Variants in JADE3 observed in about 807,000 individuals in gnomAD.
JADE3 encodes protein Jade-3.
In JADE3, 2 loss-of-function variants were observed where a neutral mutation model predicts 50.1. That is an observed-to-expected ratio of 0.04 (90% CI 0.02 to 0.13). JADE3 has a LOEUF of 0.13. Among genes scored for constraint, JADE3 ranks in the 10% least tolerant of loss-of-function variants. The probability of loss-of-function intolerance (pLI) is 1.00; values close to 1 mark genes in which losing one functional copy is unlikely to be tolerated. For missense variants in JADE3, 475 were observed against 634.4 expected, an observed-to-expected ratio of 0.75 and a Z score of 2.70; for synonymous variants, 218 against 232.9, an observed-to-expected ratio of 0.94 and a Z score of 0.58.
At chrX:47,038,654 T>TAA (rs567645944) in intron 7 of JADE3, among the ~76,000 whole-genome samples, 3,209 of 72,969 alleles carry the variant, frequency 0.044, 144 homozygotes, top group East Asian at 0.18. Flanking sequence ...ACCTTGTCTC[T>TAA]AAAAAAAAAA....
Position 46,915,305 on chromosome X carries a change from T to C in JADE3, c.-12+2586T>C, listed in dbSNP as rs1490884177. ...ACCTCCTTGTGGAGCTTACACAAAA[T>C]AGGAGCTGAGAAGACAGAGGTAATA... On this transcript the variant is annotated intron_variant, in intron 1 of 10. Transcript: ENST00000614628. Among the ~76,000 whole-genome samples, 39 of 111,962 alleles carry C rather than the reference T, an allele frequency of 3.5e-4. No homozygotes were observed. The Admixed American group carries it at 3.6e-3, about 10-fold the overall frequency.
At chrX:47,050,295 G>C (rs1460609815) in intron 8 of JADE3, among the ~76,000 whole-genome samples, 2 of 111,732 alleles carry the variant, frequency 1.8e-5, no homozygotes, top group African/African-American at 6.5e-5. Context: ...TATTTGTGGG[G>C]TATAATTTGA....
chrX:47,028,283 GCTGA>G (rs1928947010), intron 6 of JADE3, among the ~76,000 whole-genome samples, 180 bp downstream of exon 6: 1 of 110,712 alleles, frequency 9.0e-6, no homozygotes, highest in Non-Finnish European at 1.9e-5. Flanking sequence ...AAGATGACTT[GCTGA>G]CTAACTTTAC....
chrX:46,932,843 A>G (rs1926526048), intron 1 of JADE3, among the ~76,000 whole-genome samples: 1 of 111,807 alleles, frequency 8.9e-6, no homozygotes, highest in Middle Eastern at 4.2e-3. Context: ...CTATCATGTT[A>G]TTGTTCTGTC....
At chrX:46,988,214 G>A (rs1217786228) in intron 3 of JADE3, among the ~76,000 whole-genome samples, 4 of 111,540 alleles carry the variant, frequency 3.6e-5, no homozygotes, top group African/African-American at 1.3e-4. Context: ...AAGTGCCTGG[G>A]ATCTGGATTT....
chrX:47,022,542 A>G (rs1183751793), intron 4 of JADE3, among the ~76,000 whole-genome samples: 1 of 111,957 alleles, frequency 8.9e-6, no homozygotes, highest in Non-Finnish European at 1.9e-5. Flanking sequence ...TATATATTTT[A>G]TGTTTATTCA....
At chrX:47,009,983 A>G (rs1556361220) in intron 4 of JADE3, among the ~76,000 whole-genome samples, 1 of 110,532 alleles carries the variant, frequency 9.0e-6, no homozygotes, top group East Asian at 2.8e-4. Flanking sequence ...CTCAAAAAAA[A>G]AAAAGATTTT....
At chrX:47,033,515 C>A (rs1418540906) in intron 6 of JADE3, 106 bp from the exon 7 acceptor site, 8 of 638,372 alleles carry the variant, frequency 1.3e-5, no homozygotes, top group Non-Finnish European at 1.8e-5. Context: ...GCTTTATTTG[C>A]CTTTCTCCCA....
intron 1 of JADE3, among the ~76,000 whole-genome samples, chrX:46,916,838 G>GTTCAC (rs1926096784): frequency 9.0e-6 from 1 of 111,668 alleles, no homozygotes; most frequent in Non-Finnish European, 1.9e-5. Flanking sequence ...TGCTGAAGGG[G>GTTCAC]TTCACAGGGA....
intron 1 of JADE3, among the ~76,000 whole-genome samples, chrX:46,947,777 C>T (rs1221878982): frequency 1.8e-5 from 2 of 111,483 alleles, no homozygotes; most frequent in African/African-American, 6.5e-5. Flanking sequence ...GGTACCGTGC[C>T]GTTTGGTCCA....
intron 1 of JADE3, among the ~76,000 whole-genome samples, chrX:46,926,716 C>T (rs1462244924): frequency 8.9e-6 from 1 of 112,685 alleles, no homozygotes; most frequent in Non-Finnish European, 1.9e-5. Context: ...TGTTCTATCA[C>T]TACAGTTTTG....
At chrX:47,002,311 C>T (rs1556359300) in intron 4 of JADE3, among the ~76,000 whole-genome samples, 1 of 111,497 alleles carries the variant, frequency 9.0e-6, no homozygotes, top group Non-Finnish European at 1.9e-5. Flanking sequence ...AGTTCAAAAT[C>T]AGGTAAGTTG....
At chrX:47,011,309 G>A (rs1928560288) in intron 4 of JADE3, among the ~76,000 whole-genome samples, 1 of 112,275 alleles carries the variant, frequency 8.9e-6, no homozygotes, top group East Asian at 2.8e-4. Flanking sequence ...CGTGTTATAT[G>A]TATCAGTATT....
intron 8 of JADE3, among the ~76,000 whole-genome samples, chrX:47,044,438 T>C (rs781863204): frequency 2.7e-5 from 3 of 111,669 alleles, no homozygotes; most frequent in African/African-American, 9.7e-5. Context: ...AGTGAAAATA[T>C]CATTCAAACG....
intron 1 of JADE3, among the ~76,000 whole-genome samples, chrX:46,919,068 T>C (rs1312083288): frequency 8.9e-6 from 1 of 112,685 alleles, no homozygotes; most frequent in Non-Finnish European, 1.9e-5. Flanking sequence ...TGTAGTGTAT[T>C]CTAGAGACTA....
intron 4 of JADE3, among the ~76,000 whole-genome samples, chrX:47,019,419 C>CT (rs1237774431): frequency 9.0e-6 from 1 of 111,232 alleles, no homozygotes; most frequent in Non-Finnish European, 1.9e-5. Context: ...GGGTCGCACT[C>CT]TGTCACCCAG....
intron 7 of JADE3, among the ~76,000 whole-genome samples, chrX:47,038,670 A>G (rs782808167): frequency 3.4e-4 from 36 of 104,845 alleles, no homozygotes; most frequent in African/African-American, 1.2e-3. Flanking sequence ...AAAAAAAAAA[A>G]AAGAAGAAAG....
At chrX:47,011,617 T>C (rs1257005948) in intron 4 of JADE3, among the ~76,000 whole-genome samples, 1 of 112,064 alleles carries the variant, frequency 8.9e-6, no homozygotes, top group African/African-American at 3.2e-5. Context: ...TCAAACTATT[T>C]TTTATAGCAT....
intron 8 of JADE3, among the ~76,000 whole-genome samples, chrX:47,051,486 C>G (rs1281789275): frequency 1.8e-5 from 2 of 112,470 alleles, no homozygotes; most frequent in African/African-American, 6.4e-5. Context: ...CATAGATGCA[C>G]TCATGCATTT....
Sources: gnomAD v4.1 joint callset for allele counts (sites outside exome capture counted in the v4.1 genomes callset) on GRCh38, gnomAD v4.1.1 for gene constraint, MANE v1.5 for transcripts, NCBI Gene and HGNC (gene_info 2026-07-23, HGNC 2026-07-21) for gene names.